The following VWA8 variants were observed in gnomAD, a reference collection of about 807,000 sequenced individuals.
VWA8 encodes von Willebrand factor A domain containing 8.
In VWA8, 221 loss-of-function variants were observed where a neutral mutation model predicts 241.5. That is an observed-to-expected ratio of 0.91 (90% confidence interval 0.82 to 1.02). The LOEUF (loss-of-function observed/expected upper bound fraction) is 1.02. Ranked by LOEUF, VWA8 falls within the 50% of genes least tolerant of loss-of-function variation. The pLI, the probability that VWA8 is intolerant of heterozygous loss-of-function variation, is 0.00. For missense variants in VWA8, 2,322 were observed against 2,328.7 expected (o/e 1.00, Z 0.06); for synonymous variants, 852 against 827.1 (o/e 1.03, Z -0.52).
At chr13:41,683,521 G>T (rs1357340271) in intron 35 of VWA8, among the ~76,000 whole-genome samples, 2 of 152,116 alleles carry the variant, frequency 1.3e-5, no homozygotes, top group African/African-American at 2.4e-5. Context: ...TGTGGTAGTG[G>T]TTACCCAACT....
intron 42 of VWA8, among the ~76,000 whole-genome samples, chr13:41,583,756 A>G (rs1284241033): frequency 6.6e-6 from 1 of 152,008 alleles, no homozygotes; most frequent in Non-Finnish European, 1.5e-5. Context: ...ATGCAGTGGT[A>G]GGGGAGGTGG....
chr13:41,631,274 C>A (rs1421132785), intron 37 of VWA8, among the ~76,000 whole-genome samples: 1 of 152,136 alleles, frequency 6.6e-6, no homozygotes, highest in Admixed American at 6.5e-5. Context: ...CCCACCTAAG[C>A]CTCCCAGAGT....
At chr13:41,732,001 AGT>A in intron 22 of VWA8, 77 bp downstream of exon 22, 1 of 1,210,692 alleles carries the variant, frequency 8.3e-7, no homozygotes, top group Admixed American at 1.8e-5. Context: ...AATCCATGAG[AGT>A]TCCATCCTCC....
chr13:41,812,470 C>G (rs1870513266), intron 16 of VWA8, among the ~76,000 whole-genome samples: 1 of 151,984 alleles, frequency 6.6e-6, no homozygotes, highest in Non-Finnish European at 1.5e-5. Flanking sequence ...AGTAAAGTGG[C>G]CCTGAGAACT....
At chr13:41,668,854 A>G (rs376031728) in intron 37 of VWA8, among the ~76,000 whole-genome samples, 16 of 152,222 alleles carry the variant, frequency 1.1e-4, no homozygotes, top group Admixed American at 3.3e-4. Flanking sequence ...GAACTTAGGG[A>G]TCAAAGGAGA....
At chr13:41,762,719 T>C (rs998482319) in intron 20 of VWA8, among the ~76,000 whole-genome samples, 5 of 152,146 alleles carry the variant, frequency 3.3e-5, no homozygotes, top group African/African-American at 1.2e-4. Context: ...AAAAGCATTC[T>C]ACAAGCATCA....
At chr13:41,573,986 C>G (rs1490521759) in intron 43 of VWA8, among the ~76,000 whole-genome samples, 3 of 152,068 alleles carry the variant, frequency 2.0e-5, no homozygotes, top group Non-Finnish European at 4.4e-5. Context: ...GTTTGTAACA[C>G]AAAAGATAAA....
rs2044499480 is a variant in VWA8 at position 41,598,050 on chromosome 13, C to T, written c.4986+7118G>A. Among the ~76,000 whole-genome samples, 5 of 152,128 alleles carry T rather than the reference C, an allele frequency of 3.3e-5. No individual in the cohort carries two copies. In the South Asian group the frequency reaches 1.0e-3, roughly 32 times the overall value. ...TAAACAGTTTTCCAAAGAGGTTTTTCCTGTACAGTTCCTTCTTCACATAGC... is the reference window on the plus strand; with the variant it reads ...TAAACAGTTTTCCAAAGAGGTTTTTTCTGTACAGTTCCTTCTTCACATAGC... On this transcript the variant is annotated intron_variant, in intron 40 of 44. Coordinates refer to ENST00000379310, the MANE Select transcript of VWA8 (RefSeq NM_015058.2).
chr13:41,835,317 C>T (rs1431817103), intron 12 of VWA8, among the ~76,000 whole-genome samples: 3 of 152,234 alleles, frequency 2.0e-5, no homozygotes, highest in Middle Eastern at 3.4e-3. Context: ...ATCATAAAGA[C>T]CTTTGAAAAA....
At chr13:41,894,468 T>G (rs930435326) in intron 4 of VWA8, among the ~76,000 whole-genome samples, 13 of 152,226 alleles carry the variant, frequency 8.5e-5, no homozygotes, top group African/African-American at 3.1e-4. Flanking sequence ...CACAGTCAAA[T>G]GCATGCAGGT....
At chr13:41,706,121 T>TA (rs557879032) in intron 26 of VWA8, among the ~76,000 whole-genome samples, 2 of 152,196 alleles carry the variant, frequency 1.3e-5, no homozygotes, top group African/African-American at 2.4e-5. Context: ...TTTAAAAAAA[T>TA]AAAAAACCTT....
chr13:41,590,359 C>T (rs912867303), intron 41 of VWA8, among the ~76,000 whole-genome samples: 1 of 151,962 alleles, frequency 6.6e-6, no homozygotes, highest in African/African-American at 2.4e-5. Context: ...TTCCTAAACC[C>T]CACCCTTATT....
Position 41,707,384 on chromosome 13 carries a change from A to G in VWA8, c.3117-3973T>C, listed in dbSNP as rs565979649. Reference sequence around the variant, plus strand: ...AGATTTGGATCTTTCTAGGGGCATTATGCAATTGGAAGTTGTTGACATACC... The same window carrying G: ...AGATTTGGATCTTTCTAGGGGCATTGTGCAATTGGAAGTTGTTGACATACC... On this transcript the variant is annotated intron_variant, in intron 26 of 44. Coordinates refer to ENST00000379310, the MANE Select transcript of VWA8 (RefSeq NM_015058.2). 2.4e-4 allele frequency among the ~76,000 whole-genome samples: 37 copies of G among 152,338 alleles called. No homozygotes were observed. In the South Asian group the frequency reaches 6.8e-3, roughly 28 times the overall value.
At chr13:41,623,987 C>A (rs998450051) in intron 37 of VWA8, among the ~76,000 whole-genome samples, 1 of 152,062 alleles carries the variant, frequency 6.6e-6, no homozygotes, top group African/African-American at 2.4e-5. Flanking sequence ...ACAAAGGTGA[C>A]ATTACCACCA....
At chr13:41,863,573 A>G (rs1329132953) in intron 12 of VWA8, among the ~76,000 whole-genome samples, 1 of 151,568 alleles carries the variant, frequency 6.6e-6, no homozygotes, top group Non-Finnish European at 1.5e-5. Context: ...GAATCAACCT[A>G]GGTGCCCACC....
intron 9 of VWA8, among the ~76,000 whole-genome samples, chr13:41,877,640 A>G (rs9594643): frequency 0.23 from 35,148 of 152,042 alleles, 5,108 homozygotes; most frequent in Non-Finnish European, 0.31. Context: ...CTCAGATTAC[A>G]TTATCAATGG....
intron 17 of VWA8, among the ~76,000 whole-genome samples, chr13:41,792,681 A>G (rs1164444090): frequency 6.6e-6 from 1 of 152,016 alleles, no homozygotes; most frequent in Non-Finnish European, 1.5e-5. Context: ...TCTAAATATC[A>G]ACTTGGAGGG....
At chr13:41,586,023 G>T (rs149543494) in intron 42 of VWA8, among the ~76,000 whole-genome samples, 1 of 151,994 alleles carries the variant, frequency 6.6e-6, no homozygotes, top group Admixed American at 6.6e-5. Context: ...TAGGATATGG[G>T]TATTTATGCT....
chr13:41,907,533 T>C, intron 4 of VWA8, 53 bp downstream of exon 4: 1 of 1,507,724 alleles, frequency 6.6e-7, no homozygotes, highest in Non-Finnish European at 9.2e-7. Context: ...TAAAAATCAA[T>C]CTTGTATAGA....
Sources: allele counts gnomAD v4.1 joint callset (sites outside exome capture counted in the v4.1 genomes callset), GRCh38; gene constraint gnomAD v4.1.1; transcripts MANE v1.5; gene names NCBI Gene and HGNC (gene_info 2026-07-23, HGNC 2026-07-21).